RPS6KC1: variants seen among roughly 807,000 people sequenced by gnomAD.
The protein encoded by RPS6KC1 is inactive ribosomal protein S6 kinase delta-1.
Under a neutral mutation model 103.8 loss-of-function variants are expected in RPS6KC1, and 54 were observed. The ratio of observed to expected loss-of-function variants is 0.52; its 90% CI spans 0.42 to 0.65. The LOEUF (loss-of-function observed/expected upper bound fraction) is 0.65. Ranked by LOEUF, RPS6KC1 falls within the 30% of genes least tolerant of loss-of-function variation. The pLI is 0.00. For missense variants in RPS6KC1, 1,151 were observed against 1,253.8 expected (o/e 0.92, Z 1.24); for synonymous variants, 439 against 438.7 (o/e 1.00, Z -0.01).
the RPS6KC1 span, among the ~76,000 whole-genome samples, chr1:213,801,200 G>A: frequency 6.6e-6 from 1 of 152,082 alleles, no homozygotes; most frequent in East Asian, 1.9e-4. Context: ...TAGTGACATT[G>A]ACATGCTTAC....
At chr1:213,628,282 T>C in the RPS6KC1 span, among the ~76,000 whole-genome samples, 14 of 152,218 alleles carry the variant, frequency 9.2e-5, no homozygotes, top group African/African-American at 2.7e-4. Flanking sequence ...CTTTATCATT[T>C]TTTATTGCAT....
At chr1:213,624,769 G>A in the RPS6KC1 span, among the ~76,000 whole-genome samples, 1 of 152,080 alleles carries the variant, frequency 6.6e-6, no homozygotes, top group Non-Finnish European at 1.5e-5. Flanking sequence ...GGTGGAAGGG[G>A]CGAAGGAGCT....
At chr1:213,845,605 AC>A in the RPS6KC1 span, among the ~76,000 whole-genome samples, 1 of 152,176 alleles carries the variant, frequency 6.6e-6, no homozygotes, top group Non-Finnish European at 1.5e-5. Flanking sequence ...TTTTGGGGGC[AC>A]CTATTAAGAA....
chr1:213,490,474 G>A, the RPS6KC1 span, among the ~76,000 whole-genome samples: 3 of 152,114 alleles, frequency 2.0e-5, no homozygotes, highest in Non-Finnish European at 2.9e-5. Flanking sequence ...GAGGTGAAGC[G>A]GGCCTCTGTT....
At chr1:213,078,369 T>A (rs1444615706) in intron 3 of RPS6KC1, among the ~76,000 whole-genome samples, 2 of 152,146 alleles carry the variant, frequency 1.3e-5, no homozygotes, top group Non-Finnish European at 2.9e-5. Context: ...ATATTCATGT[T>A]TTTTTTCTAT....
At chr1:213,267,852 ATGAAC>A (rs2094947164) in intron 14 of RPS6KC1, among the ~76,000 whole-genome samples, 1 of 151,996 alleles carries the variant, frequency 6.6e-6, no homozygotes, top group South Asian at 2.1e-4. Context: ...GAAAGAATAA[ATGAAC>A]TTAAATTAAT....
intron 1 of RPS6KC1, among the ~76,000 whole-genome samples, chr1:213,064,894 C>G (rs2078174890): frequency 1.4e-5 from 2 of 142,436 alleles, no homozygotes; most frequent in Non-Finnish European, 3.0e-5. Context: ...CCAGGATGGT[C>G]TTGATCTCCT....
At chr1:213,321,458 T>C in the RPS6KC1 span, among the ~76,000 whole-genome samples, 2 of 152,192 alleles carry the variant, frequency 1.3e-5, no homozygotes, top group Non-Finnish European at 2.9e-5. Flanking sequence ...GTAACCATGG[T>C]TGGCATGATT....
At chr1:213,487,525 T>C in the RPS6KC1 span, among the ~76,000 whole-genome samples, 14 of 152,032 alleles carry the variant, frequency 9.2e-5, no homozygotes, top group East Asian at 1.5e-3. Context: ...AGAATGATGA[T>C]GCCATTTCTT....
At chr1:213,245,481 G>T (rs138438586) in intron 12 of RPS6KC1, among the ~76,000 whole-genome samples, 2 of 152,258 alleles carry the variant, frequency 1.3e-5, no homozygotes, top group East Asian at 3.9e-4. Flanking sequence ...ACAAGATTAT[G>T]ATGAGAGCAA....
chr1:213,702,524 C>T, the RPS6KC1 span, among the ~76,000 whole-genome samples: 3 of 151,892 alleles, frequency 2.0e-5, no homozygotes, highest in Admixed American at 6.6e-5. Flanking sequence ...GTTAAAGTCT[C>T]GAGCTATTAT....
the RPS6KC1 span, among the ~76,000 whole-genome samples, chr1:213,843,834 C>T: frequency 6.6e-6 from 1 of 151,876 alleles, no homozygotes; most frequent in African/African-American, 2.4e-5. Context: ...CCCTTCTGTT[C>T]TTTTCACTTC....
chr1:213,614,040 C>T, the RPS6KC1 span, among the ~76,000 whole-genome samples: 181 of 152,306 alleles, frequency 1.2e-3, no homozygotes, highest in African/African-American at 4.3e-3. Context: ...CTGTTTGATC[C>T]TCATTATTTC....
chr1:213,245,923 A>G (rs2094446994), intron 12 of RPS6KC1, among the ~76,000 whole-genome samples: 1 of 152,184 alleles, frequency 6.6e-6, no homozygotes, highest in African/African-American at 2.4e-5. Flanking sequence ...TATTTCAACA[A>G]TGTATACTCC....
At chr1:213,627,636 CTG>C in the RPS6KC1 span, among the ~76,000 whole-genome samples, 1 of 152,088 alleles carries the variant, frequency 6.6e-6, no homozygotes, top group Non-Finnish European at 1.5e-5. Context: ...GCATGAAGGG[CTG>C]TTGAATTTTG....
chr1:213,787,388 A>G, the RPS6KC1 span, among the ~76,000 whole-genome samples: 3 of 152,206 alleles, frequency 2.0e-5, no homozygotes, highest in Non-Finnish European at 4.4e-5. Context: ...TGGAGGAGGA[A>G]AGCTCTTCAA....
the RPS6KC1 span, among the ~76,000 whole-genome samples, chr1:213,796,208 T>G: frequency 6.6e-6 from 1 of 152,224 alleles, no homozygotes; most frequent in East Asian, 1.9e-4. Context: ...CCCTTCTTGT[T>G]TCATGTTACT....
the RPS6KC1 span, among the ~76,000 whole-genome samples, chr1:213,407,970 A>C: frequency 1.3e-5 from 2 of 152,230 alleles, no homozygotes; most frequent in Non-Finnish European, 2.9e-5. Context: ...TGCTTAATAA[A>C]AATTTATTGA....
At chr1:213,337,484 C>T in the RPS6KC1 span, among the ~76,000 whole-genome samples, 1 of 152,166 alleles carries the variant, frequency 6.6e-6, no homozygotes, top group African/African-American at 2.4e-5. Flanking sequence ...ATTATATGCT[C>T]TATGAACTCC....
Sources: allele counts gnomAD v4.1 joint callset (sites outside exome capture counted in the v4.1 genomes callset), GRCh38; gene constraint gnomAD v4.1.1; transcripts MANE v1.5; gene names NCBI Gene and HGNC (gene_info 2026-07-23, HGNC 2026-07-21).